The following DAAM1 variants were observed in gnomAD, a reference collection of about 807,000 sequenced individuals.
DAAM1 encodes dishevelled associated activator of morphogenesis 1, also known as disheveled-associated activator of morphogenesis 1.
In DAAM1, 52 loss-of-function variants were observed where a neutral mutation model predicts 130.0. That is an observed-to-expected ratio of 0.40 (90% confidence interval 0.32 to 0.50). The LOEUF (loss-of-function observed/expected upper bound fraction) is 0.50. Ranked by LOEUF, DAAM1 falls within the 20% of genes least tolerant of loss-of-function variation. The pLI is 0.61. For synonymous variants in DAAM1, 452 were observed against 444.5 expected (o/e 1.02, Z -0.21); for missense variants, 1,134 against 1,303.8 (o/e 0.87, Z 2.01).
At chr14:59,338,096 G>C (rs1885698136) in intron 15 of DAAM1, among the ~76,000 whole-genome samples, 1 of 151,996 alleles carries the variant, frequency 6.6e-6, no homozygotes, top group African/African-American at 2.4e-5. Flanking sequence ...TCTTTCTCAG[G>C]TGTTTTAAGC....
chr14:59,320,747 T>C (rs1184353003), intron 5 of DAAM1, among the ~76,000 whole-genome samples, 163 bp downstream of exon 5: 2 of 151,830 alleles, frequency 1.3e-5, no homozygotes, highest in African/African-American at 4.8e-5. Flanking sequence ...TGTGAAAAGG[T>C]ATGTAGGCAG....
rs533692127 is a variant in DAAM1 at position 59,321,109 on chromosome 14, A to G, written c.440+525A>G. 1.4e-3 allele frequency among the ~76,000 whole-genome samples: 202 copies of G among 142,280 alleles called. 1 individual carries two copies. Among genetic ancestry groups the G allele is most frequent in the African/African-American group, 5.2e-3 (196 of 37,682 alleles). 93.3% of individuals were successfully genotyped at this position (142,280 alleles called of 152,430 possible). ...AAATGAAATGTTATATATCCACATA[A>G]TGGAATATAATTTGGCTACAAAAAA... On this transcript the variant is annotated intron_variant, in intron 5 of 24. Coordinates refer to ENST00000360909, the MANE Select transcript of DAAM1 (RefSeq NM_001270520.2).
At chr14:59,289,992 G>A (rs576694943) in intron 2 of DAAM1, among the ~76,000 whole-genome samples, 5 of 152,096 alleles carry the variant, frequency 3.3e-5, no homozygotes, top group Middle Eastern at 6.8e-3. Flanking sequence ...AGGGAAGGTG[G>A]TGGGGGTGTT....
At chr14:59,218,421 T>G (rs77645702) in intron 1 of DAAM1, among the ~76,000 whole-genome samples, 9,145 of 152,274 alleles carry the variant, frequency 0.06, 376 homozygotes, top group Non-Finnish European at 0.089. Context: ...TAAATAGATG[T>G]GCCATTTTGC....
chr14:59,197,173 G>C (rs1887926232), intron 1 of DAAM1, among the ~76,000 whole-genome samples: 1 of 152,224 alleles, frequency 6.6e-6, no homozygotes, highest in South Asian at 2.1e-4. Flanking sequence ...GCCCGACTCA[G>C]CCTCCCAAAG....
At chr14:59,214,148 G>A (rs1030673788) in intron 1 of DAAM1, among the ~76,000 whole-genome samples, 4 of 152,238 alleles carry the variant, frequency 2.6e-5, no homozygotes, top group African/African-American at 4.8e-5. Flanking sequence ...GATTGGGGCT[G>A]TAGCTGATTC....
intron 1 of DAAM1, among the ~76,000 whole-genome samples, chr14:59,211,164 C>T (rs146333515): frequency 1.3e-5 from 2 of 152,286 alleles, no homozygotes; most frequent in East Asian, 1.9e-4. Context: ...AATAAATCTT[C>T]TTCCAAGCAC....
At chr14:59,306,659 G>A (rs1466048981) in intron 3 of DAAM1, among the ~76,000 whole-genome samples, 1 of 151,862 alleles carries the variant, frequency 6.6e-6, no homozygotes, top group Non-Finnish European at 1.5e-5. Context: ...TTTTCTGGCT[G>A]GAGGGTCTAA....
rs559335761 is a variant in DAAM1, at chr14:59,231,277, CATCTT to C, written c.-37-32161_-37-32157del. 7.9e-5 allele frequency among the ~76,000 whole-genome samples: 12 copies of C among 152,262 alleles called. No individual in the cohort carries two copies. The South Asian group carries it at 1.5e-3, about 18-fold the overall frequency. On this transcript the variant is annotated intron_variant, in intron 1 of 24. Coordinates refer to ENST00000360909, the MANE Select transcript of DAAM1 (RefSeq NM_001270520.2). ...ATGTAGAACGATTAAATCAAACTAA[CATCTT>C]ATATTTCCCCACCTTTGATACAGAT...
Position 59,352,510 on chromosome 14 carries a change from C to A in DAAM1, c.2161-16C>A. 6.3e-7 allele frequency: 1 copy of A among 1,591,610 alleles called. No homozygotes were observed. Among genetic ancestry groups the A allele is most frequent in the Non-Finnish European group, 8.6e-7 (1 of 1,163,214 alleles). ...AGTGATAAACCTCAGTTTTAATATTCGTGTGTACTTTTCAGCTCTTGAAAT... is the reference window on the plus strand; with the variant it reads ...AGTGATAAACCTCAGTTTTAATATTAGTGTGTACTTTTCAGCTCTTGAAAT... On this transcript the variant is annotated splice_polypyrimidine_tract_variant and intron_variant, in intron 17 of 24. Transcript: ENST00000360909.
intron 4 of DAAM1, among the ~76,000 whole-genome samples, chr14:59,317,079 A>G (rs1417960613): frequency 1.3e-5 from 2 of 152,176 alleles, no homozygotes; most frequent in African/African-American, 2.4e-5. Flanking sequence ...TCTTTGCCAC[A>G]TTCTTGAGTG....
chr14:59,370,780 G>A lies in DAAM1; in HGVS notation c.*1921G>A, dbSNP rs549998861. ...AAAAGGCTTGGAGATGAGGAAGATTGGAATATAATGATGGTTTTGTCTGTT... is the reference window on the plus strand; with the variant it reads ...AAAAGGCTTGGAGATGAGGAAGATTAGAATATAATGATGGTTTTGTCTGTT... On this transcript the variant is annotated 3_prime_UTR_variant, in exon 25 of 25. Transcript: ENST00000360909. 6.6e-6 allele frequency: 1 copy of A among 152,230 alleles called. No individual in the cohort carries two copies. The highest frequency in any genetic ancestry group is 2.4e-5 in the African/African-American group (1 of 41,554). The allele number at this position is 152,230 out of a possible 1,614,324, so 9.4% of individuals were successfully genotyped here. A position where few individuals can be genotyped will look rare whatever the true frequency, so the allele number is the denominator to read the frequency against.
chr14:59,323,968 G>T (rs777025843), intron 6 of DAAM1, among the ~76,000 whole-genome samples, 160 bp from the exon 7 acceptor site: 6 of 151,860 alleles, frequency 4.0e-5, no homozygotes, highest in Non-Finnish European at 8.8e-5. Flanking sequence ...GGAGGTGGAG[G>T]TTGCCGTGAG....
chr14:59,216,796 T>G (rs963995617), intron 1 of DAAM1, among the ~76,000 whole-genome samples: 11 of 152,330 alleles, frequency 7.2e-5, no homozygotes, highest in African/African-American at 2.2e-4. Context: ...ACACTTGATG[T>G]GTTTCCTGTT....
At chr14:59,300,370 A>G (rs981454975) in intron 3 of DAAM1, among the ~76,000 whole-genome samples, 2 of 152,224 alleles carry the variant, frequency 1.3e-5, no homozygotes, top group Non-Finnish European at 2.9e-5. Context: ...ATGGAAAGAT[A>G]ATAAAATAAC....
At chr14:59,234,210 AATTACT>A (rs1442470823) in intron 1 of DAAM1, among the ~76,000 whole-genome samples, 1 of 152,134 alleles carries the variant, frequency 6.6e-6, no homozygotes, top group African/African-American at 2.4e-5. Context: ...TGAATCTATA[AATTACT>A]TTGGACAGTG....
chr14:59,286,380 G>C (rs1246772659), intron 2 of DAAM1, among the ~76,000 whole-genome samples: 2 of 151,942 alleles, frequency 1.3e-5, no homozygotes, highest in Non-Finnish European at 2.9e-5. Context: ...AGAAAAACAA[G>C]AGCAAGTCAA....
intron 3 of DAAM1, among the ~76,000 whole-genome samples, chr14:59,307,205 A>G (rs1025100305): frequency 2.6e-5 from 4 of 152,162 alleles, no homozygotes; most frequent in African/African-American, 9.7e-5. Flanking sequence ...CAAATCTGTA[A>G]ATTATTTTTT....
intron 1 of DAAM1, among the ~76,000 whole-genome samples, chr14:59,200,767 G>A (rs1271820634): frequency 1.3e-5 from 2 of 152,140 alleles, no homozygotes; most frequent in Non-Finnish European, 2.9e-5. Flanking sequence ...CTCCACCTTG[G>A]ATATGCATCA....
Sources: gnomAD v4.1 joint callset for allele counts (sites outside exome capture counted in the v4.1 genomes callset) on GRCh38, gnomAD v4.1.1 for gene constraint, MANE v1.5 for transcripts, NCBI Gene and HGNC (gene_info 2026-07-23, HGNC 2026-07-21) for gene names.